CSRNP3: variants seen among roughly 807,000 people sequenced by gnomAD.
CSRNP3 encodes the protein cysteine and serine rich nuclear protein 3.
CSRNP3 carries 12 observed loss-of-function variants against 48.0 expected under a neutral mutation model. The ratio of observed to expected loss-of-function variants is 0.25; its 90% CI spans 0.16 to 0.41. CSRNP3 has a LOEUF of 0.41. CSRNP3 is among the 10% of genes least tolerant of loss of function. The pLI is 1.00. For synonymous variants in CSRNP3, 263 were observed against 269.7 expected (o/e 0.98, Z 0.24); for missense variants, 580 against 724.4 (o/e 0.80, Z 2.29).
At chr2:165,521,319 G>A (rs895855589) in intron 3 of CSRNP3, among the ~76,000 whole-genome samples, 10 of 152,284 alleles carry the variant, frequency 6.6e-5, no homozygotes, top group South Asian at 4.1e-4. Context: ...ATCTGGAAAC[G>A]TCAATGGAAA....
chr2:165,618,509 A>G (rs911795133), intron 4 of CSRNP3, among the ~76,000 whole-genome samples: 2 of 152,238 alleles, frequency 1.3e-5, no homozygotes, highest in Non-Finnish European at 2.9e-5. Context: ...GGCTCTATGC[A>G]TTTCATAAAG....
chr2:165,517,216 C>T (rs183627361), intron 2 of CSRNP3, among the ~76,000 whole-genome samples: 2 of 151,950 alleles, frequency 1.3e-5, no homozygotes, highest in East Asian at 1.9e-4. Context: ...CATTACTGCC[C>T]GGGTTTCATC....
intron 4 of CSRNP3, among the ~76,000 whole-genome samples, chr2:165,596,066 C>T (rs1375520913): frequency 6.6e-6 from 1 of 151,812 alleles, no homozygotes; most frequent in Non-Finnish European, 1.5e-5. Flanking sequence ...GGTGATCCAC[C>T]ACCTCAGCCT....
intron 3 of CSRNP3, among the ~76,000 whole-genome samples, chr2:165,558,822 C>T (rs1352203492): frequency 3.9e-5 from 6 of 152,132 alleles, no homozygotes; most frequent in African/African-American, 1.4e-4. Flanking sequence ...CTTTAGTTCC[C>T]ACAATCAATC....
chr2:165,594,959 C>A, intron 3 of CSRNP3, 84 bp from the exon 4 acceptor site: 1 of 1,214,374 alleles, frequency 8.2e-7, no homozygotes. Flanking sequence ...TATAAAAAGC[C>A]ACATAAAAAT....
At chr2:165,666,399 G>C (rs1687203730) in intron 5 of CSRNP3, among the ~76,000 whole-genome samples, 1 of 99,464 alleles carries the variant, frequency 1.0e-5, no homozygotes, top group African/African-American at 3.4e-5. Context: ...GAGAAAGGAA[G>C]GAAGGGAGGA....
intron 3 of CSRNP3, among the ~76,000 whole-genome samples, chr2:165,543,589 A>G (rs1406056724): frequency 6.6e-6 from 1 of 152,042 alleles, no homozygotes; most frequent in Non-Finnish European, 1.5e-5. Context: ...CTTTTTTTCA[A>G]GATTATGTTA....
intron 4 of CSRNP3, among the ~76,000 whole-genome samples, chr2:165,651,657 C>CTTTT (rs35970195): frequency 3.0e-5 from 4 of 132,216 alleles, no homozygotes; most frequent in Admixed American, 7.8e-5. Context: ...ATTTTGAAAG[C>CTTTT]TTTTTTTTTT....
At chr2:165,570,496 A>T (rs1685354752) in intron 3 of CSRNP3, among the ~76,000 whole-genome samples, 1 of 150,558 alleles carries the variant, frequency 6.6e-6, no homozygotes, top group Admixed American at 6.6e-5. Context: ...TTGTTCTCCC[A>T]CTCTCACTTT....
chr2:165,524,651 T>C (rs1684709479), intron 3 of CSRNP3, among the ~76,000 whole-genome samples: 1 of 152,200 alleles, frequency 6.6e-6, no homozygotes, highest in Admixed American at 6.5e-5. Context: ...TCTAGGTCAC[T>C]ACAGTTTTGC....
At chr2:165,637,234 T>C (rs1296252484) in intron 4 of CSRNP3, among the ~76,000 whole-genome samples, 1 of 152,216 alleles carries the variant, frequency 6.6e-6, no homozygotes, top group Admixed American at 6.5e-5. Context: ...TGACTAGGCC[T>C]GTCACTAGGA....
At position 165,625,631 on chromosome 2, in the gene CSRNP3, C is replaced by CA. The variant is rs142895753; in HGVS notation, c.148+30427dup. ...CCTCAGCAACAGAGTGAGATTCTGT[C>CA]AAAAAAAAAGAAAAGAAAAAAGAAA... On this transcript the variant is annotated intron_variant, in intron 4 of 6. Transcript: ENST00000651982. 9.1e-3 allele frequency among the ~76,000 whole-genome samples: 1,321 copies of CA among 145,222 alleles called. 18 individuals carry two copies. The highest frequency in any genetic ancestry group is 0.031 in the African/African-American group (1,218 of 38,820).
intron 3 of CSRNP3, among the ~76,000 whole-genome samples, chr2:165,549,559 C>T (rs1319942984): frequency 6.6e-6 from 1 of 152,034 alleles, no homozygotes; most frequent in Admixed American, 6.6e-5. Context: ...TTATATATAA[C>T]ATTATTTTTC....
chr2:165,518,484 G>T (rs1684609322), intron 3 of CSRNP3, among the ~76,000 whole-genome samples: 1 of 151,884 alleles, frequency 6.6e-6, no homozygotes, highest in African/African-American at 2.4e-5. Context: ...TGAAGGAACA[G>T]GAGGATCTTG....
chr2:165,558,742 G>A (rs1293340427), intron 3 of CSRNP3, among the ~76,000 whole-genome samples: 1 of 152,140 alleles, frequency 6.6e-6, no homozygotes, highest in Non-Finnish European at 1.5e-5. Context: ...AAGTGTCAAT[G>A]ATTTTACGTA....
At chr2:165,608,934 C>CAAAAAAAAAAAAA (rs33952227) in intron 4 of CSRNP3, among the ~76,000 whole-genome samples, 6 of 75,588 alleles carry the variant, frequency 7.9e-5, no homozygotes, top group African/African-American at 2.2e-4. Flanking sequence ...ACTAAAAATA[C>CAAAAAAAAAAAAA]AAAAAAAAAA....
chr2:165,520,818 T>G (rs1297190089), intron 3 of CSRNP3, among the ~76,000 whole-genome samples: 1 of 96,930 alleles, frequency 1.0e-5, no homozygotes, highest in Admixed American at 1.2e-4. Flanking sequence ...TATATATATA[T>G]ATATATATAC....
Position 165,584,351 on chromosome 2 carries a change from C to T in CSRNP3, c.-23-10692C>T, listed in dbSNP as rs546870720. Among the ~76,000 whole-genome samples the T allele has an allele frequency of 6.6e-4, 100 of 152,204 alleles. 1 individual carries two copies. Among genetic ancestry groups the T allele is most frequent in the African/African-American group, 2.0e-3 (85 of 41,524 alleles). ...GGGGTCGCTCTGCTTTGAACCCCTC[C>T]GACACAACTTCTCTGCTGGGTTTGA... On this transcript the variant is annotated intron_variant, in intron 3 of 6. Coordinates refer to ENST00000651982, the MANE Select transcript of CSRNP3 (RefSeq NM_001172173.2).
At chr2:165,627,629 T>A (rs754840614) in intron 4 of CSRNP3, among the ~76,000 whole-genome samples, 4 of 152,172 alleles carry the variant, frequency 2.6e-5, no homozygotes, top group Non-Finnish European at 4.4e-5. Context: ...ACCATGTTTC[T>A]GGTGCCCTCC....
Sources: allele counts gnomAD v4.1 joint callset (sites outside exome capture counted in the v4.1 genomes callset), GRCh38; gene constraint gnomAD v4.1.1; transcripts MANE v1.5; gene names NCBI Gene and HGNC (gene_info 2026-07-23, HGNC 2026-07-21).